DDC: variants seen among roughly 807,000 people sequenced by gnomAD.
DDC encodes the protein dopa decarboxylase, also known as aromatic-L-amino-acid decarboxylase.
Under a neutral mutation model 60.0 loss-of-function variants are expected in DDC, and 43 were observed. The ratio of observed to expected loss-of-function variants is 0.72; its 90% CI spans 0.56 to 0.92. The LOEUF is 0.92. Ranked by LOEUF, DDC falls within the 40% of genes least tolerant of loss-of-function variation. DDC has a pLI of 0.00. For missense variants in DDC, 573 were observed against 620.2 expected, an observed-to-expected ratio of 0.92 and a Z score of 0.81; for synonymous variants, 232 against 234.6, an observed-to-expected ratio of 0.99 and a Z score of 0.10.
intron 14 of DDC, chr7:50,459,687 C>A (rs193260095): frequency 0.011 from 1,894 of 168,286 alleles, 45 homozygotes; most frequent in African/African-American, 0.044. Context: ...TGCCCAGCTG[C>A]CCCGTCTGAG....
At chr7:50,562,012 C>A (rs1563058015) in intron 1 of DDC, among the ~76,000 whole-genome samples, 1 of 152,286 alleles carries the variant, frequency 6.6e-6, no homozygotes, top group East Asian at 1.9e-4. Context: ...TGCATGCATA[C>A]ACACACATAC....
chr7:50,501,478 T>C (rs1477729001), intron 7 of DDC, among the ~76,000 whole-genome samples: 2 of 152,210 alleles, frequency 1.3e-5, no homozygotes, highest in Admixed American at 6.5e-5. Flanking sequence ...TGGCAAATCA[T>C]TTCAAATGCA....
chr7:50,500,496 G>A (rs557068955), intron 7 of DDC, among the ~76,000 whole-genome samples: 46 of 152,282 alleles, frequency 3.0e-4, no homozygotes, highest in Admixed American at 5.9e-4. Flanking sequence ...CCGCTGATCT[G>A]AGCTACAGGC....
intron 6 of DDC, 73 bp from the exon 7 acceptor site, chr7:50,504,132 T>A: frequency 1.9e-6 from 2 of 1,058,822 alleles, no homozygotes; most frequent in African/African-American, 3.1e-5. Flanking sequence ...CACAAGCAAC[T>A]GCTGCCCCAT....
intron 3 of DDC, among the ~76,000 whole-genome samples, chr7:50,538,589 C>T (rs1363270349): frequency 6.6e-6 from 1 of 152,202 alleles, no homozygotes; most frequent in Non-Finnish European, 1.5e-5. Flanking sequence ...CTGGTCAGCC[C>T]CATCCTGCTG....
intron 12 of DDC, among the ~76,000 whole-genome samples, chr7:50,468,170 A>G (rs1439355500): frequency 6.6e-6 from 1 of 152,198 alleles, no homozygotes; most frequent in African/African-American, 2.4e-5. Context: ...GGACAAAAAC[A>G]CGTGTCATAC....
In DDC at chr7:50,499,148, C is replaced by T. The variant is rs1237793828; in HGVS notation, c.876G>A (p.Glu292=). The T allele has an allele frequency of 4.3e-6, 7 of 1,611,458 alleles. No individual in the cohort carries two copies. The highest frequency in any genetic ancestry group is 1.7e-5 in the Admixed American group (1 of 59,996). The change falls in exon 8 of 15, where the codon GAG becomes GAA. Residue 292 remains glutamate (E), a splice_region_variant and synonymous_variant. Transcript: ENST00000444124. ...PEFRHLLNGV[E]FADSFNFNPH... ...TAGGGAGAGCGAAGGGTGCACCTAC[C>T]TCCACTCCATTCAGAAGGTGCCGGA...
intron 7 of DDC, among the ~76,000 whole-genome samples, chr7:50,503,260 GGA>G (rs2043302442): frequency 6.6e-6 from 1 of 152,246 alleles, no homozygotes; most frequent in South Asian, 2.1e-4. Flanking sequence ...AGAGAAAGGG[GGA>G]GCCCCCTGAG....
intron 6 of DDC, among the ~76,000 whole-genome samples, chr7:50,523,010 C>A (rs1425648171): frequency 1.3e-5 from 2 of 152,152 alleles, no homozygotes; most frequent in Non-Finnish European, 2.9e-5. Context: ...TCCCCATGAT[C>A]CAATCACCTT....
chr7:50,459,962 C>A (rs1366096147), intron 14 of DDC, among the ~76,000 whole-genome samples: 2 of 144,076 alleles, frequency 1.4e-5, no homozygotes, highest in African/African-American at 5.4e-5. Context: ...GCCAGCCGCC[C>A]CATCTGGGAG....
At chr7:50,564,893 T>C (rs1008979127) in intron 1 of DDC, among the ~76,000 whole-genome samples, 11 of 152,284 alleles carry the variant, frequency 7.2e-5, no homozygotes, top group Middle Eastern at 6.8e-3. Context: ...TGGGATTTAA[T>C]CCTCACAAGG....
intron 9 of DDC, among the ~76,000 whole-genome samples, chr7:50,491,079 GT>G (rs1027584163): frequency 2.2e-4 from 34 of 152,056 alleles, no homozygotes; most frequent in Non-Finnish European, 3.7e-4. Flanking sequence ...AATGTTGTCA[GT>G]TTTTTTTCCT....
intron 9 of DDC, chr7:50,492,530 G>C (rs2043019484): frequency 4.6e-6 from 1 of 216,228 alleles, no homozygotes; most frequent in African/African-American, 2.3e-5. Flanking sequence ...GAAGGTAAGA[G>C]GTTCCTCAAG....
At chr7:50,492,891 G>A (rs942798798) in intron 9 of DDC, 6 of 1,591,768 alleles carry the variant, frequency 3.8e-6, no homozygotes, top group Non-Finnish European at 5.1e-6. Flanking sequence ...CGGCAGCCTC[G>A]GGGCATCAGC....
chr7:50,528,327 A>G (rs1383986613), intron 5 of DDC, 47 bp from the exon 6 acceptor site: 1 of 1,612,196 alleles, frequency 6.2e-7, no homozygotes, highest in Admixed American at 1.7e-5. Context: ...GTGTGCATGC[A>G]GTTATTACCA....
intron 4 of DDC, 51 bp from the exon 5 acceptor site, chr7:50,529,393 G>T: frequency 6.3e-7 from 1 of 1,598,964 alleles, no homozygotes; most frequent in South Asian, 1.1e-5. Flanking sequence ...CGAAGGCATT[G>T]GTACCTACAC....
intron 4 of DDC, among the ~76,000 whole-genome samples, chr7:50,535,029 T>G (rs1219432513): frequency 6.6e-6 from 1 of 152,162 alleles, no homozygotes; most frequent in Non-Finnish European, 1.5e-5. Context: ...AGAAGAAAAT[T>G]GTGCTGGGAC....
chr7:50,495,312 C>A, intron 9 of DDC, 38 bp downstream of exon 9: 1 of 1,523,928 alleles, frequency 6.6e-7, no homozygotes, highest in Non-Finnish European at 9.1e-7. Context: ...ACTGTCACCT[C>A]GGACAGGCAA....
intron 6 of DDC, among the ~76,000 whole-genome samples, chr7:50,505,615 G>GTAGCA (rs1438451670): frequency 6.6e-6 from 1 of 152,232 alleles, no homozygotes; most frequent in African/African-American, 2.4e-5. Context: ...TCATGCCCAG[G>GTAGCA]TAGCACAGAG....
Sources: gnomAD v4.1 joint callset for allele counts (sites outside exome capture counted in the v4.1 genomes callset) on GRCh38, gnomAD v4.1.1 for gene constraint, MANE v1.5 for transcripts, NCBI Gene and HGNC (gene_info 2026-07-23, HGNC 2026-07-21) for gene names.